STAM2: variants seen among roughly 807,000 people sequenced by gnomAD.
STAM2 encodes signal transducing adaptor molecule 2.
In STAM2, 51 loss-of-function variants were observed where a neutral mutation model predicts 65.6. That is an observed-to-expected ratio of 0.78 (90% confidence interval 0.62 to 0.98). The LOEUF (loss-of-function observed/expected upper bound fraction) is 0.98. Ranked by LOEUF, STAM2 falls within the 50% of genes least tolerant of loss-of-function variation. The pLI is 0.00. For missense variants in STAM2, 584 were observed against 617.8 expected, an observed-to-expected ratio of 0.95 and a Z score of 0.58; for synonymous variants, 198 against 208.4, an observed-to-expected ratio of 0.95 and a Z score of 0.43.
chr2:152,121,043 A>G (rs1401581657), intron 13 of STAM2, among the ~76,000 whole-genome samples: 4 of 151,982 alleles, frequency 2.6e-5, no homozygotes, highest in Non-Finnish European at 5.9e-5. Context: ...AGCTCACTGC[A>G]TTCTCAAACT....
At chr2:152,164,067 GA>G (rs1345765986) in intron 1 of STAM2, among the ~76,000 whole-genome samples, 3 of 152,060 alleles carry the variant, frequency 2.0e-5, no homozygotes, top group Non-Finnish European at 1.5e-5. Flanking sequence ...CTCCCCTTTT[GA>G]AATCCTTAAT....
chr2:152,133,141 T>C (rs373082363), intron 10 of STAM2, 32 bp downstream of exon 10: 2 of 1,153,864 alleles, frequency 1.7e-6, no homozygotes, highest in East Asian at 3.1e-5. Flanking sequence ...TATTAAATAA[T>C]ATTAAAATAA....
chr2:152,143,447 T>C (rs551557907), intron 7 of STAM2, among the ~76,000 whole-genome samples: 38 of 152,348 alleles, frequency 2.5e-4, no homozygotes, highest in African/African-American at 8.9e-4. Flanking sequence ...GAGCCAAGTA[T>C]AGCTTTTGGT....
chr2:152,174,137 A>G (rs1689962777), intron 1 of STAM2, among the ~76,000 whole-genome samples: 1 of 152,258 alleles, frequency 6.6e-6, no homozygotes, highest in Admixed American at 6.5e-5. Flanking sequence ...TACTTGTACC[A>G]GAGAATTTTT....
In STAM2 at chr2:152,120,366, G is replaced by GA; in HGVS notation, c.*207dup. ...AAAGCATCTTTAAGCTGCCTCTGATGAAAAGATTGACTTCAAACAAACTGG... is the reference window on the plus strand; with the variant it reads ...AAAGCATCTTTAAGCTGCCTCTGATGAAAAAGATTGACTTCAAACAAACTGG... On this transcript the variant is annotated 3_prime_UTR_variant, in exon 14 of 14. Transcript: ENST00000263904. 2.0e-6 allele frequency: 1 copy of GA among 496,544 alleles called. No homozygotes were observed. Among genetic ancestry groups the GA allele is most frequent in the Non-Finnish European group, 3.4e-6 (1 of 293,994 alleles). The allele number at this position is 496,544 out of a possible 1,614,324, so 30.8% of individuals were successfully genotyped here.
intron 11 of STAM2, among the ~76,000 whole-genome samples, chr2:152,130,478 C>T (rs1318040989): frequency 6.6e-6 from 1 of 151,828 alleles, no homozygotes; most frequent in African/African-American, 2.4e-5. Flanking sequence ...GTCTCGATCT[C>T]CTGACCTCAT....
chr2:152,149,971 G>C (rs183109591), intron 2 of STAM2, among the ~76,000 whole-genome samples, 174 bp downstream of exon 2: 2 of 152,308 alleles, frequency 1.3e-5, no homozygotes, highest in East Asian at 1.9e-4. Flanking sequence ...TGCTGTCTTA[G>C]AGGTAGCAGA....
At chr2:152,172,558 GA>G (rs1689914742) in intron 1 of STAM2, among the ~76,000 whole-genome samples, 2 of 152,086 alleles carry the variant, frequency 1.3e-5, no homozygotes, top group South Asian at 4.1e-4. Flanking sequence ...TTCCTGTTGG[GA>G]AAGTGCTATC....
At chr2:152,123,981 G>A (rs1245934615) in intron 12 of STAM2, 46 bp from the exon 13 acceptor site, 14 of 1,477,478 alleles carry the variant, frequency 9.5e-6, no homozygotes, top group Admixed American at 3.6e-5. Context: ...TCCCAAACAT[G>A]TGCCTAATAA....
intron 12 of STAM2, among the ~76,000 whole-genome samples, chr2:152,124,942 T>C (rs1221720313): frequency 2.0e-5 from 3 of 152,204 alleles, no homozygotes; most frequent in Non-Finnish European, 4.4e-5. Context: ...CTTTTGAATA[T>C]TTCAAATGCT....
Position 152,147,168 on chromosome 2 carries a change from A to T in STAM2, c.441T>A (p.Gly147=). 1 of 1,606,904 alleles carries T rather than the reference A, an allele frequency of 6.2e-7. No homozygotes were observed. The highest frequency in any genetic ancestry group is 2.2e-5 in the East Asian group (1 of 44,672). ...GTCTGAATAAATCTCTCACCTGAGA[A>T]CCTGCTGGAGGAAAAGTAATTCCTT... ...KEEGITFPPA[G]SQTVSAAAKN... Residue 147 remains glycine (G), a synonymous_variant, in exon 5 of 14, where the codon GGT becomes GGA. Coordinates refer to ENST00000263904, the MANE Select transcript of STAM2 (RefSeq NM_005843.6).
intron 13 of STAM2, 33 bp downstream of exon 13, chr2:152,123,733 A>G: frequency 6.2e-7 from 1 of 1,601,650 alleles, no homozygotes. Flanking sequence ...GAAAATTAAC[A>G]CATATAAAAT....
In STAM2 at chr2:152,147,262, C is replaced by T. The variant is rs776525364; in HGVS notation, c.347G>A (p.Trp116Ter). ...AGGGTCCTTCTGAAATTCTTCTGAC[C>T]ACTCCACCATTAAAGATTTCAGTTT... ...CEKLKSLMVEWSEEFQKDPQF... is the reference protein window; with the variant it reads ...CEKLKSLMVE Residue 116 changes from tryptophan to a stop codon, truncating the protein, a stop_gained, in exon 5 of 14, where the codon TGG becomes TAG. Transcript: ENST00000263904. LOFTEE classifies it high-confidence loss of function. 6.2e-7 allele frequency: 1 copy of T among 1,609,084 alleles called. No homozygotes were observed. The highest frequency in any genetic ancestry group is 1.7e-5 in the Admixed American group (1 of 59,196).
intron 1 of STAM2, among the ~76,000 whole-genome samples, chr2:152,174,117 C>A (rs892941040): frequency 6.6e-6 from 1 of 152,208 alleles, no homozygotes; most frequent in Non-Finnish European, 1.5e-5. Context: ...ACAGACAGAG[C>A]AACTCTGCCT....
intron 1 of STAM2, among the ~76,000 whole-genome samples, chr2:152,170,257 G>T (rs1057121101): frequency 6.7e-6 from 1 of 150,282 alleles, no homozygotes; most frequent in Non-Finnish European, 1.5e-5. Context: ...CAAGACGGGC[G>T]GATCACGAGG....
rs193143545 is a variant in STAM2, at chr2:152,172,682, A to G, written c.40+2921T>C. ...GCAGGAGTTCAAGACCAGCCTGGCC[A>G]ACATGGTGAAACCTCCATCTCTATT... On this transcript the variant is annotated intron_variant, in intron 1 of 13. Transcript: ENST00000263904. Among the ~76,000 whole-genome samples, 1,153 of 152,098 alleles carry G rather than the reference A, an allele frequency of 7.6e-3. 16 individuals are homozygous for G. Among genetic ancestry groups the G allele is most frequent in the African/African-American group, 0.026 (1,078 of 41,470 alleles).
At position 152,128,418 on chromosome 2, in the gene STAM2, A is replaced by T. The variant is rs79372092; in HGVS notation, c.1026-2039T>A. Among the ~76,000 whole-genome samples the T allele has an allele frequency of 1.9e-4, 27 of 142,632 alleles. No individual in the cohort carries two copies. The East Asian group carries it at 3.2e-3, about 17-fold the overall frequency. 93.6% of individuals were successfully genotyped at this position (142,632 alleles called of 152,430 possible). ...ACAGAGCGAGACTCTGTCTCAAATT[A>T]AAAAAAAAAAAAATCAGTTACAAGT... On this transcript the variant is annotated intron_variant, in intron 11 of 13. Coordinates refer to ENST00000263904, the MANE Select transcript of STAM2 (RefSeq NM_005843.6).
At chr2:152,158,220 T>C (rs538972214) in intron 1 of STAM2, among the ~76,000 whole-genome samples, 1 of 152,312 alleles carries the variant, frequency 6.6e-6, no homozygotes, top group African/African-American at 2.4e-5. Context: ...CTTATACCTG[T>C]AATCCCAGCA....
In STAM2 at chr2:152,136,616, T is replaced by C. The variant is rs201229202; in HGVS notation, c.705-1013A>G. ...ACACGTATCTATAGCCAAGTCCATA[T>C]AGAAACAGACACAGATGCTAATCCA... On this transcript the variant is annotated intron_variant, in intron 7 of 13. Transcript: ENST00000263904. Among the ~76,000 whole-genome samples, 12 of 2,562 alleles carry C rather than the reference T, an allele frequency of 4.7e-3. No individual in the cohort carries two copies. In the East Asian group the frequency reaches 0.11, roughly 23 times the overall value. The allele number at this position is 2,562 out of a possible 152,430, so 1.7% of individuals were successfully genotyped here.
Sources: allele counts gnomAD v4.1 joint callset (sites outside exome capture counted in the v4.1 genomes callset), GRCh38; gene constraint gnomAD v4.1.1; transcripts MANE v1.5; gene names NCBI Gene and HGNC (gene_info 2026-07-23, HGNC 2026-07-21).